The following NALCN variants were observed in gnomAD, a reference collection of about 807,000 sequenced individuals.
The protein encoded by NALCN is sodium leak channel, non-selective.
A neutral mutation model predicts 225.3 loss-of-function variants in NALCN; 111 were observed. The ratio of observed to expected loss-of-function variants is 0.49; its 90% CI spans 0.42 to 0.58. The LOEUF (loss-of-function observed/expected upper bound fraction) is 0.58. NALCN is among the 20% of genes least tolerant of loss of function. The pLI is 0.00. For missense variants in NALCN, 1,378 were observed against 2,202.4 expected (o/e 0.63, Z 7.49); for synonymous variants, 764 against 769.0 (o/e 0.99, Z 0.11).
rs937055789 is a variant in NALCN at position 101,066,312 on chromosome 13, A to AC, written c.4447-752_4447-751insG. Among the ~76,000 whole-genome samples the AC allele has an allele frequency of 3.6e-4, 55 of 151,644 alleles. No individual in the cohort carries two copies. In the South Asian group the frequency reaches 9.4e-3, roughly 26 times the overall value. On this transcript the variant is annotated intron_variant, in intron 39 of 43. Transcript: ENST00000251127. ...AGACAGAGTGGGACTCCATCTCAAA[A>AC]AAAAAAAAAAAAGAGCTAACTAACT...
chr13:101,256,937 G>T (rs998329308), intron 11 of NALCN, among the ~76,000 whole-genome samples: 1 of 151,876 alleles, frequency 6.6e-6, no homozygotes, highest in Non-Finnish European at 1.5e-5. Flanking sequence ...CTAATTTTTT[G>T]TATTTTTAGT....
intron 13 of NALCN, among the ~76,000 whole-genome samples, chr13:101,213,148 C>G (rs2140084210): frequency 6.6e-6 from 1 of 152,194 alleles, no homozygotes; most frequent in African/African-American, 2.4e-5. Flanking sequence ...TACCACACAT[C>G]TACAACCATC....
intron 7 of NALCN, among the ~76,000 whole-genome samples, chr13:101,330,817 C>T (rs185214965): frequency 5.9e-5 from 9 of 152,230 alleles, no homozygotes; most frequent in East Asian, 1.9e-4. Context: ...CAAGATCTGA[C>T]GGTTTTATAA....
upstream of NALCN, among the ~76,000 whole-genome samples, chr13:101,416,915 G>A (rs2047963901): frequency 6.6e-6 from 1 of 152,196 alleles, no homozygotes; most frequent in Admixed American, 6.5e-5. Flanking sequence ...CCGAGGACTA[G>A]TTCCATTCCT....
intron 13 of NALCN, among the ~76,000 whole-genome samples, chr13:101,217,755 G>C (rs2040793534): frequency 6.6e-6 from 1 of 152,146 alleles, no homozygotes; most frequent in Non-Finnish European, 1.5e-5. Context: ...TAAAAACAGG[G>C]AGAGCAGGAA....
chr13:101,058,104 T>A (rs758114162), intron 42 of NALCN, 48 bp from the exon 43 acceptor site: 1 of 1,503,388 alleles, frequency 6.7e-7, no homozygotes, highest in Admixed American at 1.9e-5. Context: ...AACCCTGCGC[T>A]CTCCTCCTTT....
chr13:101,164,478 T>G (rs1230820060), intron 15 of NALCN, among the ~76,000 whole-genome samples: 2 of 152,120 alleles, frequency 1.3e-5, no homozygotes, highest in Non-Finnish European at 2.9e-5. Context: ...TTTGTAGAGA[T>G]GAGGGTCTCA....
chr13:101,292,452 C>A lies in NALCN; in HGVS notation c.800-86G>T, dbSNP rs1246972110. 22 of 1,383,506 alleles carry A rather than the reference C, an allele frequency of 1.6e-5. No individual in the cohort carries two copies. Among genetic ancestry groups the A allele is most frequent in the Non-Finnish European group, 2.1e-5 (22 of 1,025,744 alleles). The allele number at this position is 1,383,506 out of a possible 1,614,324, so 85.7% of individuals were successfully genotyped here. On this transcript the variant is annotated intron_variant, in intron 7 of 43. Transcript: ENST00000251127. This position sits in a 1 kb window ranked among gnomAD's most constrained non-coding sequence, Gnocchi z 4.3. ...TCCAGAAAAACAATCAATATTTATC[C>A]ATACTTATTTTCTCAATGACAAAAG...
chr13:101,385,647 C>A (rs2139450616), intron 3 of NALCN, among the ~76,000 whole-genome samples: 1 of 152,276 alleles, frequency 6.6e-6, no homozygotes, highest in African/African-American at 2.4e-5. Flanking sequence ...TGTTGTTCAC[C>A]TTTTGGGCCC....
chr13:101,143,000 G>C, intron 17 of NALCN, 80 bp downstream of exon 17: 1 of 1,516,400 alleles, frequency 6.6e-7, no homozygotes, highest in Non-Finnish European at 9.2e-7. Context: ...TGGATTCCAG[G>C]ACCCTAAAGA....
chr13:101,128,395 A>G (rs2036345865), intron 17 of NALCN, among the ~76,000 whole-genome samples: 1 of 152,230 alleles, frequency 6.6e-6, no homozygotes, highest in Admixed American at 6.5e-5. Flanking sequence ...CAATTCCCAT[A>G]GAGTTATTTG....
At chr13:101,201,637 T>C (rs929122982) in intron 13 of NALCN, among the ~76,000 whole-genome samples, 2 of 152,182 alleles carry the variant, frequency 1.3e-5, no homozygotes, top group African/African-American at 4.8e-5. Flanking sequence ...ACATATGTTT[T>C]GATAAATTAC....
intron 13 of NALCN, among the ~76,000 whole-genome samples, chr13:101,192,686 AAAG>A (rs141512003): frequency 0.094 from 13,542 of 143,770 alleles, 1,790 homozygotes; most frequent in African/African-American, 0.3. Context: ...AACAAACAAA[AAAG>A]AAATAAAAAA....
intron 17 of NALCN, among the ~76,000 whole-genome samples, chr13:101,137,292 A>G (rs2036846277): frequency 6.6e-6 from 1 of 152,110 alleles, no homozygotes; most frequent in Admixed American, 6.5e-5. Context: ...AAGCTAAGCC[A>G]TTATTTAAAA....
chr13:101,330,061 T>C (rs1467516214), intron 7 of NALCN, among the ~76,000 whole-genome samples: 1 of 149,622 alleles, frequency 6.7e-6, no homozygotes, highest in Non-Finnish European at 1.5e-5. Flanking sequence ...ATAATATATA[T>C]ATACATATAT....
intron 13 of NALCN, 46 bp from the exon 14 acceptor site, chr13:101,192,100 C>T (rs761296484): frequency 3.9e-6 from 6 of 1,556,152 alleles, no homozygotes; most frequent in East Asian, 2.4e-5. Flanking sequence ...TTTAGGCTTG[C>T]ATACAACTTC....
At chr13:101,393,816 A>T (rs979767728) in intron 3 of NALCN, among the ~76,000 whole-genome samples, 5 of 152,138 alleles carry the variant, frequency 3.3e-5, no homozygotes, top group African/African-American at 9.7e-5. Context: ...CCAAAAACGA[A>T]AACAAAAACA....
chr13:101,061,407 A>G (rs1012053727), intron 41 of NALCN, among the ~76,000 whole-genome samples: 4 of 150,444 alleles, frequency 2.7e-5, no homozygotes, highest in Admixed American at 6.6e-5. Flanking sequence ...TTTGAGACAG[A>G]TTCTCACTGT....
intron 7 of NALCN, among the ~76,000 whole-genome samples, chr13:101,299,382 A>G (rs1214428287): frequency 2.0e-5 from 3 of 152,174 alleles, no homozygotes; most frequent in Non-Finnish European, 4.4e-5. Flanking sequence ...AAATTAAATG[A>G]CTGCCTTCTG....
Sources: allele counts gnomAD v4.1 joint callset (sites outside exome capture counted in the v4.1 genomes callset), GRCh38; gene constraint gnomAD v4.1.1; non-coding constraint Gnocchi (gnomAD v3.1); transcripts MANE v1.5; gene names NCBI Gene and HGNC (gene_info 2026-07-23, HGNC 2026-07-21).